RAD51B: variants seen among roughly 807,000 people sequenced by gnomAD.
The protein encoded by RAD51B is RAD51 paralog B.
In RAD51B, 38 loss-of-function variants were observed where a neutral mutation model predicts 42.2. The observed-to-expected ratio is 0.90, with a 90% CI of 0.70 to 1.18. RAD51B has a LOEUF of 1.18. Among genes scored for constraint, RAD51B ranks in the 50% most tolerant of loss-of-function variants. The probability of loss-of-function intolerance (pLI) is 0.00; values close to 1 mark genes in which losing one functional copy is unlikely to be tolerated. For synonymous variants in RAD51B, 154 were observed against 145.2 expected (o/e 1.06, Z -0.43); for missense variants, 373 against 400.7 (o/e 0.93, Z 0.59).
intron 10 of RAD51B, among the ~76,000 whole-genome samples, chr14:68,626,152 C>T (rs1200954013): frequency 6.6e-6 from 1 of 152,200 alleles, no homozygotes; most frequent in African/African-American, 2.4e-5. Context: ...TTCAAGGTGT[C>T]CACCATCGGG....
intron 7 of RAD51B, among the ~76,000 whole-genome samples, chr14:68,026,771 G>T (rs1425398181): frequency 1.3e-5 from 2 of 152,012 alleles, no homozygotes; most frequent in East Asian, 3.9e-4. Context: ...ACAGCAGACG[G>T]TTGAGTCCTG....
At chr14:68,109,576 A>G (rs767591479) in intron 7 of RAD51B, among the ~76,000 whole-genome samples, 9 of 152,018 alleles carry the variant, frequency 5.9e-5, no homozygotes, top group Non-Finnish European at 1.0e-4. Context: ...AAGTGTGCCT[A>G]GGAATCCTCT....
At chr14:68,067,782 A>T (rs1284221318) in intron 7 of RAD51B, among the ~76,000 whole-genome samples, 1 of 151,892 alleles carries the variant, frequency 6.6e-6, no homozygotes. Flanking sequence ...ATACAAAAAA[A>T]TTAGCCAGGC....
chr14:68,495,254 C>T (rs1566913410), intron 10 of RAD51B, among the ~76,000 whole-genome samples: 1 of 152,198 alleles, frequency 6.6e-6, no homozygotes. Context: ...CTGCATCCTG[C>T]CCACCCCACT....
intron 4 of RAD51B, among the ~76,000 whole-genome samples, chr14:67,859,877 A>G (rs1413344681): frequency 6.6e-6 from 1 of 152,022 alleles, no homozygotes; most frequent in Non-Finnish European, 1.5e-5. Flanking sequence ...CTGGAGTGCA[A>G]TGACGCGATC....
At chr14:68,490,614 A>G (rs966846146) in intron 10 of RAD51B, among the ~76,000 whole-genome samples, 3 of 152,222 alleles carry the variant, frequency 2.0e-5, no homozygotes, top group African/African-American at 7.2e-5. Flanking sequence ...GAAAGCAACT[A>G]AACTTTGCTT....
intron 7 of RAD51B, among the ~76,000 whole-genome samples, chr14:68,136,264 G>A (rs1165963960): frequency 6.6e-6 from 1 of 151,998 alleles, no homozygotes; most frequent in Non-Finnish European, 1.5e-5. Context: ...CTGTGAGCAG[G>A]GTCACATATG....
chr14:68,157,008 G>A (rs2078526340), intron 7 of RAD51B, among the ~76,000 whole-genome samples: 1 of 151,992 alleles, frequency 6.6e-6, no homozygotes, highest in South Asian at 2.1e-4. Flanking sequence ...ACCAGCCTGG[G>A]CAACATGGTG....
intron 7 of RAD51B, among the ~76,000 whole-genome samples, chr14:68,047,306 A>T (rs778251848): frequency 6.6e-6 from 1 of 152,198 alleles, no homozygotes; most frequent in Admixed American, 6.5e-5. Context: ...TGCTAAACAG[A>T]GTGGGAAGAG....
chr14:68,375,819 T>C (rs1296293122), intron 8 of RAD51B, among the ~76,000 whole-genome samples: 1 of 152,120 alleles, frequency 6.6e-6, no homozygotes, highest in Non-Finnish European at 1.5e-5. Context: ...ATATATTTGA[T>C]AGGATTTTTG....
chr14:67,994,840 A>G (rs535799222), intron 7 of RAD51B, among the ~76,000 whole-genome samples: 1 of 152,378 alleles, frequency 6.6e-6, no homozygotes, highest in South Asian at 2.1e-4. Context: ...AGTGTTAGAC[A>G]CAATAACCAA....
At chr14:68,511,589 C>A (rs142850145) in intron 10 of RAD51B, among the ~76,000 whole-genome samples, 1 of 152,240 alleles carries the variant, frequency 6.6e-6, no homozygotes, top group African/African-American at 2.4e-5. Flanking sequence ...TATTAAATAA[C>A]CTCTGCTGTT....
At chr14:68,478,567 C>A (rs1882906982), downstream of RAD51B, among the ~76,000 whole-genome samples, 5 of 152,240 alleles carry the variant, frequency 3.3e-5, no homozygotes, top group South Asian at 1.0e-3. Flanking sequence ...GGGTTCAGGG[C>A]AAGGTCTGGG....
intron 10 of RAD51B, among the ~76,000 whole-genome samples, chr14:68,552,032 TG>T: frequency 6.6e-6 from 1 of 152,162 alleles, no homozygotes; most frequent in Non-Finnish European, 1.5e-5. Context: ...AGATATGTTT[TG>T]TTTGGCCCAT....
intron 5 of RAD51B, among the ~76,000 whole-genome samples, chr14:67,872,936 A>G (rs2042592458): frequency 6.6e-6 from 1 of 152,226 alleles, no homozygotes; most frequent in South Asian, 2.1e-4. Context: ...ACAAAAATCA[A>G]TTCAAGATGG....
At chr14:68,477,622 TTC>T (rs1882781088) in intron 10 of RAD51B, 24 bp from the exon 11 acceptor site, 1 of 1,601,696 alleles carries the variant, frequency 6.2e-7, no homozygotes, top group Non-Finnish European at 8.5e-7. Flanking sequence ...TTTTCAAACT[TTC>T]TCTTTTTTTT....
intron 11 of RAD51B, among the ~76,000 whole-genome samples, chr14:68,672,371 C>A (rs1026722381): frequency 2.6e-5 from 4 of 152,208 alleles, no homozygotes; most frequent in Non-Finnish European, 4.4e-5. Flanking sequence ...ACCAAAACTT[C>A]CATCAGAGAA....
At chr14:67,946,487 C>T (rs1389660963) in intron 7 of RAD51B, among the ~76,000 whole-genome samples, 1 of 152,080 alleles carries the variant, frequency 6.6e-6, no homozygotes, top group African/African-American at 2.4e-5. Context: ...TCTGCTTCAG[C>T]CTCTCAAGTA....
At chr14:68,054,364 C>A (rs1479201930) in intron 7 of RAD51B, among the ~76,000 whole-genome samples, 1 of 151,966 alleles carries the variant, frequency 6.6e-6, no homozygotes, top group Non-Finnish European at 1.5e-5. Flanking sequence ...CTAATGATTT[C>A]TTATTATTAG....
Sources: gnomAD v4.1 joint callset for allele counts (sites outside exome capture counted in the v4.1 genomes callset) on GRCh38, gnomAD v4.1.1 for gene constraint, MANE v1.5 for transcripts, NCBI Gene and HGNC (gene_info 2026-07-23, HGNC 2026-07-21) for gene names.